Variants in SEMA5A observed in about 807,000 individuals in gnomAD.
SEMA5A encodes semaphorin-5A.
SEMA5A carries 55 observed loss-of-function variants against 135.5 expected under a neutral mutation model. That is an observed-to-expected ratio of 0.41 (90% CI 0.33 to 0.51). The LOEUF is 0.51. Ranked by LOEUF, SEMA5A falls within the 20% of genes least tolerant of loss-of-function variation. The pLI is 0.37. For synonymous variants in SEMA5A, 580 were observed against 546.5 expected, an observed-to-expected ratio of 1.06 and a Z score of -0.85; for missense variants, 1,290 against 1,419.9, an observed-to-expected ratio of 0.91 and a Z score of 1.47.
intron 12 of SEMA5A, among the ~76,000 whole-genome samples, chr5:9,145,807 T>TTG (rs1436344139): frequency 6.6e-6 from 1 of 150,866 alleles, no homozygotes; most frequent in East Asian, 2.0e-4. Context: ...TCCAGCTTTT[T>TTG]TTTTTTTTTG....
chr5:9,151,548 G>A (rs1207831128), intron 12 of SEMA5A, among the ~76,000 whole-genome samples: 4 of 151,964 alleles, frequency 2.6e-5, no homozygotes, highest in East Asian at 1.9e-4. Context: ...TATAAAAAAT[G>A]TTTGTGCAGT....
chr5:9,267,229 C>T (rs138705947), intron 5 of SEMA5A, among the ~76,000 whole-genome samples: 32 of 152,154 alleles, frequency 2.1e-4, no homozygotes, highest in African/African-American at 6.0e-4. Flanking sequence ...CTGAGAAGCC[C>T]GCCACACTTT....
At chr5:9,337,983 C>A (rs918609584) in intron 3 of SEMA5A, among the ~76,000 whole-genome samples, 171 bp from the exon 4 acceptor site, 2 of 152,106 alleles carry the variant, frequency 1.3e-5, no homozygotes, top group African/African-American at 4.8e-5. Context: ...GCCCCATAAG[C>A]CATACTAAGA....
At chr5:9,271,256 T>G (rs1162135516) in intron 5 of SEMA5A, among the ~76,000 whole-genome samples, 1 of 152,174 alleles carries the variant, frequency 6.6e-6, no homozygotes, top group African/African-American at 2.4e-5. Flanking sequence ...ATTGTAAGTT[T>G]CCTGAGGCCT....
At chr5:9,476,195 A>G (rs1370253678) in intron 1 of SEMA5A, among the ~76,000 whole-genome samples, 1 of 152,212 alleles carries the variant, frequency 6.6e-6, no homozygotes, top group Non-Finnish European at 1.5e-5. Context: ...GATTAAAAAT[A>G]AAAAAAGCAA....
chr5:9,319,984 C>T (rs993106617), intron 4 of SEMA5A, among the ~76,000 whole-genome samples: 1 of 152,026 alleles, frequency 6.6e-6, no homozygotes, highest in Admixed American at 6.6e-5. Context: ...CCATGGAAGC[C>T]GGCACTCAGA....
chr5:9,059,171 C>CTT (rs4002250), intron 18 of SEMA5A, among the ~76,000 whole-genome samples: 18,793 of 145,490 alleles, frequency 0.13, 1,601 homozygotes, highest in African/African-American at 0.24. Context: ...ATTTTCTTTT[C>CTT]TTTTTTTTTT....
chr5:9,205,136 A>G (rs1745939279), intron 8 of SEMA5A, among the ~76,000 whole-genome samples: 1 of 152,170 alleles, frequency 6.6e-6, no homozygotes, highest in Admixed American at 6.5e-5. Flanking sequence ...GCAATATTCA[A>G]CAGGATTTGA....
intron 1 of SEMA5A, among the ~76,000 whole-genome samples, chr5:9,519,161 C>T (rs1315474125): frequency 1.3e-5 from 2 of 152,152 alleles, no homozygotes; most frequent in Non-Finnish European, 2.9e-5. Context: ...TTATTGTATA[C>T]TGACGGAGTG....
At chr5:9,200,751 G>A (rs2150365616) in intron 9 of SEMA5A, among the ~76,000 whole-genome samples, 1 of 152,266 alleles carries the variant, frequency 6.6e-6, no homozygotes, top group South Asian at 2.1e-4. Context: ...GAGAGACCAG[G>A]AAGAGAAGGT....
At chr5:9,182,194 T>C (rs1744562914) in intron 11 of SEMA5A, among the ~76,000 whole-genome samples, 1 of 143,180 alleles carries the variant, frequency 7.0e-6, no homozygotes, top group Admixed American at 7.0e-5. Flanking sequence ...ACAGGGTGTC[T>C]GTCTGTCTTG....
At chr5:9,216,047 T>C (rs1746604213) in intron 8 of SEMA5A, among the ~76,000 whole-genome samples, 1 of 152,140 alleles carries the variant, frequency 6.6e-6, no homozygotes, top group South Asian at 2.1e-4. Context: ...GGTTGATTTG[T>C]TCCTGTTTCT....
chr5:9,356,001 A>G (rs1024490), intron 3 of SEMA5A, among the ~76,000 whole-genome samples: 23,750 of 152,192 alleles, frequency 0.16, 2,075 homozygotes, highest in Middle Eastern at 0.25. Flanking sequence ...TCCCTGATAC[A>G]TAACCCATTT....
chr5:9,423,631 T>C (rs937154520), intron 2 of SEMA5A, among the ~76,000 whole-genome samples: 1 of 152,194 alleles, frequency 6.6e-6, no homozygotes, highest in Non-Finnish European at 1.5e-5. Flanking sequence ...TGATAGAAAA[T>C]CAAACTTCTA....
chr5:9,413,557 G>A (rs2126610474), intron 2 of SEMA5A, among the ~76,000 whole-genome samples: 1 of 152,282 alleles, frequency 6.6e-6, no homozygotes, highest in African/African-American at 2.4e-5. Flanking sequence ...CCTTAAAATA[G>A]TATTAATTGA....
intron 5 of SEMA5A, among the ~76,000 whole-genome samples, chr5:9,250,176 C>T (rs1477812292): frequency 6.6e-6 from 1 of 152,004 alleles, no homozygotes; most frequent in African/African-American, 2.4e-5. Flanking sequence ...AGCAGGTAGG[C>T]ATTGGGAACC....
At chr5:9,107,170 C>T (rs960576104) in intron 16 of SEMA5A, among the ~76,000 whole-genome samples, 4 of 152,166 alleles carry the variant, frequency 2.6e-5, no homozygotes, top group Non-Finnish European at 4.4e-5. Context: ...TGCTGAGCTT[C>T]TCCATCAAAC....
intron 16 of SEMA5A, among the ~76,000 whole-genome samples, chr5:9,073,774 A>G (rs928338186): frequency 6.6e-6 from 1 of 152,158 alleles, no homozygotes; most frequent in South Asian, 2.1e-4. Flanking sequence ...AGAACACAAG[A>G]TCAATGTAAA....
chr5:9,485,717 C>T lies in SEMA5A; in HGVS notation c.-174-47865G>A, dbSNP rs114713480. On this transcript the variant is annotated intron_variant, in intron 1 of 22. Transcript: ENST00000382496. The stretch of plus-strand genomic sequence containing the variant: ...GCTATACACCAACATCCTCAATGAT[C>T]TCCAATTATATGGAAAGCAAAATGG... Among the ~76,000 whole-genome samples, 814 of 152,220 alleles carry T rather than the reference C, an allele frequency of 5.3e-3. 10 individuals carry two copies. The highest frequency in any genetic ancestry group is 0.019 in the African/African-American group (782 of 41,534).
Sources: allele counts gnomAD v4.1 joint callset (sites outside exome capture counted in the v4.1 genomes callset), GRCh38; gene constraint gnomAD v4.1.1; transcripts MANE v1.5; gene names NCBI Gene and HGNC (gene_info 2026-07-23, HGNC 2026-07-21).